The following GRID2 variants were observed in gnomAD, a reference collection of about 807,000 sequenced individuals.
The protein encoded by GRID2 is glutamate ionotropic receptor delta type subunit 2, also known as glutamate receptor ionotropic, delta-2.
A neutral mutation model predicts 114.8 loss-of-function variants in GRID2; 33 were observed. That is an observed-to-expected ratio of 0.29 (90% CI 0.22 to 0.38). The LOEUF is 0.38. Ranked by LOEUF, GRID2 falls within the 10% of genes least tolerant of loss-of-function variation. GRID2 has a pLI of 1.00. For synonymous variants in GRID2, 505 were observed against 449.9 expected, an observed-to-expected ratio of 1.12 and a Z score of -1.55; for missense variants, 1,184 against 1,257.7, an observed-to-expected ratio of 0.94 and a Z score of 0.89.
intron 9 of GRID2, among the ~76,000 whole-genome samples, chr4:93,406,343 T>C (rs1369919341): frequency 6.6e-6 from 1 of 152,200 alleles, no homozygotes; most frequent in Non-Finnish European, 1.5e-5. Context: ...CATGAAAGTA[T>C]GGATCCAAAA....
intron 2 of GRID2, among the ~76,000 whole-genome samples, chr4:92,738,842 T>C (rs1032536155): frequency 6.6e-6 from 1 of 152,072 alleles, no homozygotes; most frequent in Admixed American, 6.6e-5. Context: ...ATTTTTAATA[T>C]CCCTATTATT....
chr4:92,744,232 A>G (rs1737035394), intron 2 of GRID2, among the ~76,000 whole-genome samples: 2 of 152,286 alleles, frequency 1.3e-5, no homozygotes, highest in South Asian at 4.1e-4. Flanking sequence ...GGTGGCTGAC[A>G]TCTGTAATCC....
intron 2 of GRID2, among the ~76,000 whole-genome samples, chr4:92,714,339 C>G (rs1447228660): frequency 6.6e-6 from 1 of 152,170 alleles, no homozygotes; most frequent in African/African-American, 2.4e-5. Flanking sequence ...CATGGTACAG[C>G]CTCCCTCTCA....
At chr4:92,910,437 A>T (rs1748288442) in intron 2 of GRID2, among the ~76,000 whole-genome samples, 1 of 152,072 alleles carries the variant, frequency 6.6e-6, no homozygotes, top group African/African-American at 2.4e-5. Flanking sequence ...CAATAGTGGT[A>T]ATTAAGCATT....
intron 2 of GRID2, among the ~76,000 whole-genome samples, chr4:92,976,209 T>G (rs756610462): frequency 2.6e-5 from 4 of 152,088 alleles, no homozygotes; most frequent in Non-Finnish European, 5.9e-5. Flanking sequence ...AATTAACTGA[T>G]AGCTAATCTT....
In GRID2 at chr4:92,794,905, T is replaced by TATACACACAC. The variant is rs745392261; in HGVS notation, c.244+204620_244+204621insTACACACACA. Among the ~76,000 whole-genome samples, 168 of 127,736 alleles carry TATACACACAC rather than the reference T, an allele frequency of 1.3e-3. 1 individual carries two copies. In the East Asian group the frequency reaches 0.019, roughly 14 times the overall value. 83.8% of individuals were successfully genotyped at this position (127,736 alleles called of 152,430 possible). ...ATATATATATATATATATATATATA[T>TATACACACAC]ACACACACACACACACACACATATC... On this transcript the variant is annotated intron_variant, in intron 2 of 15. Coordinates refer to ENST00000282020, the MANE Select transcript of GRID2 (RefSeq NM_001510.4).
At chr4:92,917,104 T>C (rs1056279876) in intron 2 of GRID2, among the ~76,000 whole-genome samples, 2 of 152,156 alleles carry the variant, frequency 1.3e-5, no homozygotes, top group African/African-American at 4.8e-5. Context: ...TGCATTTCTC[T>C]GACCAGTGAT....
chr4:93,568,375 G>A (rs1310873479), intron 13 of GRID2, among the ~76,000 whole-genome samples: 1 of 152,132 alleles, frequency 6.6e-6, no homozygotes, highest in Admixed American at 6.6e-5. Flanking sequence ...TCCTAAAACT[G>A]TGTGGAGATA....
intron 13 of GRID2, among the ~76,000 whole-genome samples, chr4:93,536,663 T>A (rs2149521437): frequency 6.6e-6 from 1 of 150,644 alleles, no homozygotes; most frequent in South Asian, 2.1e-4. Flanking sequence ...TTTTTTTTTT[T>A]AACACTTGTT....
chr4:93,531,732 A>T (rs1428406542), intron 13 of GRID2, among the ~76,000 whole-genome samples: 2 of 152,134 alleles, frequency 1.3e-5, no homozygotes, highest in African/African-American at 4.8e-5. Flanking sequence ...CCATAGACAG[A>T]TGTACATTAC....
In GRID2 at chr4:93,085,098, C is replaced by T. The variant is rs1456733338; in HGVS notation, c.348C>T (p.His116=). ...QSLADAMHIP[H]LFIQRSTAGT... is the part of the protein sequence containing the mutation. ...TGGCAGACGCCATGCATATCCCCCA[C>T]CTCTTCATTCAGCGCTCAACAGCTG... Residue 116 remains histidine, a synonymous_variant, in exon 3 of 16, where the codon CAC becomes CAT. Coordinates refer to ENST00000282020, the MANE Select transcript of GRID2 (RefSeq NM_001510.4). The T allele has an allele frequency of 8.1e-6, 13 of 1,614,034 alleles. No homozygotes were observed. The highest frequency in any genetic ancestry group is 1.1e-5 in the Non-Finnish European group (13 of 1,180,016).
At chr4:92,519,722 CAGG>C (rs1270433989) in intron 1 of GRID2, among the ~76,000 whole-genome samples, 1 of 151,660 alleles carries the variant, frequency 6.6e-6, no homozygotes, top group African/African-American at 2.4e-5. Context: ...AGCTGAGACC[CAGG>C]AGAACCAATG....
intron 1 of GRID2, among the ~76,000 whole-genome samples, chr4:92,489,405 A>G (rs1232872697): frequency 6.6e-6 from 1 of 152,224 alleles, no homozygotes. Context: ...CGATTTTGTA[A>G]CAATATTCCT....
chr4:92,796,665 T>C (rs2149368891), intron 2 of GRID2, among the ~76,000 whole-genome samples: 1 of 152,092 alleles, frequency 6.6e-6, no homozygotes, highest in East Asian at 2.0e-4. Flanking sequence ...TCTTTTCTTC[T>C]TACTGATTTT....
intron 1 of GRID2, among the ~76,000 whole-genome samples, chr4:92,508,138 T>G (rs1724066806): frequency 6.6e-6 from 1 of 152,036 alleles, no homozygotes; most frequent in African/African-American, 2.4e-5. Flanking sequence ...TATATCTTAT[T>G]CTTTTTGTAA....
At chr4:92,390,646 G>A (rs559020867) in intron 1 of GRID2, among the ~76,000 whole-genome samples, 5 of 152,220 alleles carry the variant, frequency 3.3e-5, no homozygotes, top group South Asian at 2.1e-4. Context: ...AAAGGCTATC[G>A]TTTTAAATAA....
rs972977328 is a variant in GRID2, at chr4:92,949,390, C to T, written c.245-135605C>T. Among the ~76,000 whole-genome samples the T allele has an allele frequency of 2.0e-5, 3 of 151,946 alleles. No individual in the cohort carries two copies. The East Asian group carries it at 5.8e-4, about 29-fold the overall frequency. ...GTTAGTTACATATGTATACATGTGC[C>T]ATGTTGGTGTGCTGCACCCAGTAAC... On this transcript the variant is annotated intron_variant, in intron 2 of 15. Coordinates refer to ENST00000282020, the MANE Select transcript of GRID2 (RefSeq NM_001510.4).
intron 14 of GRID2, among the ~76,000 whole-genome samples, chr4:93,694,779 C>T (rs1243704110): frequency 6.6e-6 from 1 of 152,038 alleles, no homozygotes; most frequent in Non-Finnish European, 1.5e-5. Flanking sequence ...TTCATTTGAC[C>T]TCAGGCACTC....
intron 1 of GRID2, among the ~76,000 whole-genome samples, chr4:93,799,031 T>C (rs1289526884): frequency 6.6e-6 from 1 of 152,210 alleles, no homozygotes; most frequent in African/African-American, 2.4e-5. Context: ...CGATCTCAGC[T>C]CTTCCACTGC....
Sources: gnomAD v4.1 joint callset for allele counts (sites outside exome capture counted in the v4.1 genomes callset) on GRCh38, gnomAD v4.1.1 for gene constraint, MANE v1.5 for transcripts, NCBI Gene and HGNC (gene_info 2026-07-23, HGNC 2026-07-21) for gene names.